The following CAMTA1 variants were observed in gnomAD, a reference collection of about 807,000 sequenced individuals.
CAMTA1 encodes the protein calmodulin binding transcription activator 1, also known as calmodulin-binding transcription activator 1.
Under a neutral mutation model 170.9 loss-of-function variants are expected in CAMTA1, and 27 were observed. The ratio of observed to expected loss-of-function variants is 0.16; its 90% CI spans 0.12 to 0.22. The LOEUF is 0.22. CAMTA1 is among the 10% of genes least tolerant of loss of function. The pLI, the probability that CAMTA1 is intolerant of heterozygous loss-of-function variation, is 1.00. For missense variants in CAMTA1, 1,619 were observed against 2,217.2 expected (o/e 0.73, Z 5.42); for synonymous variants, 833 against 891.5 (o/e 0.93, Z 1.17).
rs529276139 is a variant in CAMTA1, at chr1:7,641,210, C to A, written c.664+657C>A. Among the ~76,000 whole-genome samples the A allele has an allele frequency of 6.6e-5, 10 of 152,342 alleles. No homozygotes were observed. The highest frequency in any genetic ancestry group is 2.0e-4 in the Admixed American group (3 of 15,310). On this transcript the variant is annotated intron_variant, in intron 7 of 22. Coordinates refer to ENST00000303635, the MANE Select transcript of CAMTA1 (RefSeq NM_015215.4). The surrounding 1 kb of genome is among the most constrained non-coding windows in gnomAD (Gnocchi z 4.5). ...CGGCTCTCAGTGGCTTCTCCTGCCC[C>A]CTGTTCAGCGGGGCTCGGGAAAAAC... is the stretch of plus-strand genomic sequence containing the variant.
At chr1:7,326,273 T>C (rs760677401) in intron 5 of CAMTA1, among the ~76,000 whole-genome samples, 4 of 152,188 alleles carry the variant, frequency 2.6e-5, no homozygotes, top group Non-Finnish European at 5.9e-5. Flanking sequence ...AAACTTTAGC[T>C]CCACTAGCTC....
rs1251776321 is a variant in CAMTA1, at chr1:7,092,381, C to A, written c.302+1010C>A. Among the ~76,000 whole-genome samples, 1 of 152,106 alleles carries A rather than the reference C, an allele frequency of 6.6e-6. No homozygotes were observed. The highest frequency in any genetic ancestry group is 1.5e-5 in the Non-Finnish European group (1 of 67,984). On this transcript the variant is annotated intron_variant, in intron 4 of 22. Coordinates refer to ENST00000303635, the MANE Select transcript of CAMTA1 (RefSeq NM_015215.4). This position sits in a 1 kb window ranked among gnomAD's most constrained non-coding sequence, Gnocchi z 5.0. ...AGGTCATCCTTGGGAATGTTTATTC[C>A]TTCTAGAAGGTATTTTAAAATACCA... is the stretch of plus-strand genomic sequence containing the variant.
At chr1:7,722,528 A>G (rs569939793) in intron 11 of CAMTA1, among the ~76,000 whole-genome samples, 82 of 152,228 alleles carry the variant, frequency 5.4e-4, no homozygotes, top group African/African-American at 1.8e-3. Flanking sequence ...ACTCAAAGCT[A>G]TTCTGGGATT....
intron 6 of CAMTA1, among the ~76,000 whole-genome samples, chr1:7,521,851 G>T (rs2094370032): frequency 6.6e-6 from 1 of 152,194 alleles, no homozygotes; most frequent in Non-Finnish European, 1.5e-5. Flanking sequence ...TCACTCCACA[G>T]TTCCTTCCTT....
At chr1:7,071,482 A>G (rs969470860) in intron 3 of CAMTA1, among the ~76,000 whole-genome samples, 5 of 152,208 alleles carry the variant, frequency 3.3e-5, no homozygotes, top group African/African-American at 4.8e-5. Context: ...ATGACTTTCT[A>G]TATTTCAAAT....
chr1:6,877,201 C>T (rs533564015), intron 3 of CAMTA1, among the ~76,000 whole-genome samples: 1 of 152,298 alleles, frequency 6.6e-6, no homozygotes, highest in South Asian at 2.1e-4. Flanking sequence ...CTGCGCTCCC[C>T]CTCCCATGGA....
chr1:7,310,207 G>C (rs1289167644), intron 5 of CAMTA1, among the ~76,000 whole-genome samples: 1 of 152,210 alleles, frequency 6.6e-6, no homozygotes, highest in African/African-American at 2.4e-5. Flanking sequence ...AGAATCCTGA[G>C]TTGACTGACA....
At chr1:6,792,633 G>A (rs1412562161) in intron 1 of CAMTA1, among the ~76,000 whole-genome samples, 1 of 152,094 alleles carries the variant, frequency 6.6e-6, no homozygotes, top group East Asian at 1.9e-4. Flanking sequence ...AAGATGGAAT[G>A]ACTAGAGATT....
intron 4 of CAMTA1, among the ~76,000 whole-genome samples, chr1:7,110,271 C>T (rs147975319): frequency 4.3e-4 from 65 of 151,900 alleles, no homozygotes; most frequent in Admixed American, 2.8e-3. Flanking sequence ...TTTCAGCACC[C>T]CCCTTCCCCC....
intron 3 of CAMTA1, among the ~76,000 whole-genome samples, chr1:6,945,538 G>A (rs1571938064): frequency 6.6e-6 from 1 of 152,024 alleles, no homozygotes; most frequent in East Asian, 1.9e-4. Context: ...TTGTAGAGAT[G>A]GGGTTTCGCC....
intron 4 of CAMTA1, among the ~76,000 whole-genome samples, chr1:7,129,022 T>A (rs1645095012): frequency 1.3e-5 from 2 of 151,834 alleles, no homozygotes; most frequent in South Asian, 4.2e-4. Flanking sequence ...GTATTTTTGG[T>A]AGAGACCACC....
intron 5 of CAMTA1, among the ~76,000 whole-genome samples, chr1:7,430,478 A>C (rs543562380): frequency 1.3e-5 from 2 of 151,800 alleles, no homozygotes; most frequent in African/African-American, 4.8e-5. Context: ...CAGCGATAAC[A>C]TGGATGATGG....
At chr1:7,410,252 G>A (rs2090615961) in intron 5 of CAMTA1, among the ~76,000 whole-genome samples, 1 of 152,252 alleles carries the variant, frequency 6.6e-6, no homozygotes, top group African/African-American at 2.4e-5. Context: ...AGACAGAATG[G>A]GGAAGAAAGA....
Position 7,366,065 on chromosome 1 carries a change from C to T in CAMTA1, c.439-101765C>T, listed in dbSNP as rs77477095. Among the ~76,000 whole-genome samples the T allele has an allele frequency of 9.5e-3, 1,442 of 152,310 alleles. 23 individuals carry two copies. Among genetic ancestry groups the T allele is most frequent in the African/African-American group, 0.032 (1,313 of 41,566 alleles). ...CTTTCTCCTCCTCTGGGACTCTGCCCGTTCTCTGTGACCCCAATGTACTTG... is the reference window on the plus strand; with the variant it reads ...CTTTCTCCTCCTCTGGGACTCTGCCTGTTCTCTGTGACCCCAATGTACTTG... On this transcript the variant is annotated intron_variant, in intron 5 of 22. Coordinates refer to ENST00000303635, the MANE Select transcript of CAMTA1 (RefSeq NM_015215.4).
chr1:7,391,701 C>T (rs1282368464), intron 5 of CAMTA1, among the ~76,000 whole-genome samples: 1 of 152,118 alleles, frequency 6.6e-6, no homozygotes, highest in Non-Finnish European at 1.5e-5. Flanking sequence ...AATGAATGGC[C>T]TGTTTTCAGT....
At chr1:7,232,085 C>T (rs1024387199) in intron 4 of CAMTA1, among the ~76,000 whole-genome samples, 3 of 152,198 alleles carry the variant, frequency 2.0e-5, no homozygotes, top group Admixed American at 6.5e-5. Context: ...GGGTGGTCCC[C>T]GCAGAGAGAG....
intron 6 of CAMTA1, among the ~76,000 whole-genome samples, chr1:7,498,161 AGT>A (rs539471646): frequency 5.7e-4 from 84 of 147,226 alleles, no homozygotes; most frequent in African/African-American, 2.1e-3. Context: ...GAGATTTGTG[AGT>A]GTGTGTGCAT....
intron 22 of CAMTA1, among the ~76,000 whole-genome samples, chr1:7,764,812 T>C (rs575880575): frequency 6.6e-6 from 1 of 151,964 alleles, no homozygotes; most frequent in African/African-American, 2.4e-5. Flanking sequence ...ATACAAAAAT[T>C]AGCTAGGCGT....
intron 4 of CAMTA1, among the ~76,000 whole-genome samples, chr1:7,095,605 C>T (rs761155528): frequency 2.0e-5 from 3 of 152,212 alleles, no homozygotes; most frequent in Non-Finnish European, 4.4e-5. Context: ...CCAGGGAGCC[C>T]GTCAATAGCT....
Sources: gnomAD v4.1 joint callset for allele counts (sites outside exome capture counted in the v4.1 genomes callset) on GRCh38, gnomAD v4.1.1 for gene constraint, Gnocchi (gnomAD v3.1) non-coding constraint, MANE v1.5 for transcripts, NCBI Gene and HGNC (gene_info 2026-07-23, HGNC 2026-07-21) for gene names.